PPP1R42: variants seen among roughly 807,000 people sequenced by gnomAD.
The protein encoded by PPP1R42 is protein phosphatase 1 regulatory subunit 42.
Under a neutral mutation model 31.0 loss-of-function variants are expected in PPP1R42, and 34 were observed. The ratio of observed to expected loss-of-function variants is 1.10; its 90% CI spans 0.83 to 1.46. PPP1R42 has a LOEUF of 1.46. Among genes scored for constraint, PPP1R42 ranks in the 40% most tolerant of loss-of-function variants. PPP1R42 has a pLI of 0.00. For synonymous variants in PPP1R42, 103 were observed against 109.8 expected (o/e 0.94, Z 0.39); for missense variants, 268 against 303.0 (o/e 0.88, Z 0.86).
rs538325218 is a variant in PPP1R42, at chr8:67,023,180, G to A, written c.-85+5311C>T. ...TCGCTCTGTACAGTGGCCTGATCTCGATTCACTGCAGTTTCCATCTCCCAG... is the reference window on the plus strand; with the variant it reads ...TCGCTCTGTACAGTGGCCTGATCTCAATTCACTGCAGTTTCCATCTCCCAG... On this transcript the variant is annotated intron_variant, in intron 1 of 7. Transcript: ENST00000685739. Among the ~76,000 whole-genome samples the A allele has an allele frequency of 2.8e-4, 37 of 133,986 alleles. 1 individual carries two copies. The highest frequency in any genetic ancestry group is 2.2e-4 in the South Asian group (1 of 4,524). 87.9% of individuals were successfully genotyped at this position (133,986 alleles called of 152,430 possible). A position where few individuals can be genotyped will look rare whatever the true frequency, so the allele number is the denominator to read the frequency against.
chr8:66,999,569 T>C (rs1233209357), intron 5 of PPP1R42, among the ~76,000 whole-genome samples: 1 of 152,156 alleles, frequency 6.6e-6, no homozygotes, highest in East Asian at 1.9e-4. Flanking sequence ...GCCTGGGTTT[T>C]GAACTCCTGA....
Position 67,017,838 on chromosome 8 carries a change from A to G in PPP1R42, c.-84-7T>C. On this transcript the variant is annotated splice_polypyrimidine_tract_variant and splice_region_variant and intron_variant, in intron 1 of 7. Coordinates refer to ENST00000685739, the MANE Select transcript of PPP1R42 (RefSeq NM_001364910.1). ...AGGTATTATTTCCAACTTTCTGAAG[A>G]TTAAAGAAAAAAGGAGCATTATGAT... 7.4e-7 allele frequency: 1 copy of G among 1,356,000 alleles called. No individual in the cohort carries two copies. Among genetic ancestry groups the G allele is most frequent in the Non-Finnish European group, 9.6e-7 (1 of 1,040,554 alleles). 84.0% of individuals were successfully genotyped at this position (1,356,000 alleles called of 1,614,324 possible).
At chr8:67,024,828 G>A (rs1160758619) in intron 1 of PPP1R42, among the ~76,000 whole-genome samples, 1 of 152,034 alleles carries the variant, frequency 6.6e-6, no homozygotes, top group African/African-American at 2.4e-5. Context: ...GCCCAGGCTG[G>A]TAGACCTCTA....
chr8:67,012,653 A>C (rs1251044237), intron 4 of PPP1R42, among the ~76,000 whole-genome samples: 1 of 152,226 alleles, frequency 6.6e-6, no homozygotes, highest in African/African-American at 2.4e-5. Context: ...CATGATAATC[A>C]CCAAGGTCCA....
chr8:67,011,498 A>C (rs1815843639), intron 4 of PPP1R42, among the ~76,000 whole-genome samples: 2 of 152,214 alleles, frequency 1.3e-5, no homozygotes, highest in Non-Finnish European at 2.9e-5. Context: ...GGGCGACAGA[A>C]CAAAACTCCG....
At chr8:67,026,911 T>C (rs1346398279) in intron 1 of PPP1R42, 1 of 151,418 alleles carries the variant, frequency 6.6e-6, no homozygotes, top group Non-Finnish European at 1.5e-5. Context: ...TTTTTTTTTT[T>C]TTTTCCTGAG....
intron 5 of PPP1R42, among the ~76,000 whole-genome samples, chr8:67,005,741 C>T (rs1815653541): frequency 6.6e-6 from 1 of 152,108 alleles, no homozygotes; most frequent in South Asian, 2.1e-4. Flanking sequence ...CTCTTCATCT[C>T]TAAGCAACCA....
chr8:66,964,953 C>T (rs1394103941), intron 7 of PPP1R42, among the ~76,000 whole-genome samples: 1 of 152,138 alleles, frequency 6.6e-6, no homozygotes, highest in African/African-American at 2.4e-5. Context: ...CTCCCACCTC[C>T]AGTTTCTGGC....
intron 7 of PPP1R42, among the ~76,000 whole-genome samples, chr8:66,968,948 G>T (rs1814462011): frequency 6.6e-6 from 1 of 152,202 alleles, no homozygotes; most frequent in Non-Finnish European, 1.5e-5. Flanking sequence ...TGGTGGCAGA[G>T]GCAGGACATT....
At position 66,973,998 on chromosome 8, in the gene PPP1R42, G is replaced by A. The variant is rs1260700185; in HGVS notation, c.802+8051C>T. On this transcript the variant is annotated intron_variant, in intron 7 of 7. Transcript: ENST00000685739. ...ATCCATTCATCTGTCCAATGTCCAT[G>A]TACCTTGTTTCCGCATCTTGACTAT... Among the ~76,000 whole-genome samples the A allele has an allele frequency of 5.9e-5, 9 of 152,110 alleles. 1 individual carries two copies. Among genetic ancestry groups the A allele is most frequent in the Admixed American group, 5.9e-4 (9 of 15,274 alleles).
At chr8:66,987,555 G>A (rs1815061052) in intron 6 of PPP1R42, among the ~76,000 whole-genome samples, 1 of 152,032 alleles carries the variant, frequency 6.6e-6, no homozygotes, top group African/African-American at 2.4e-5. Flanking sequence ...GCCTCCCAAA[G>A]TGCTGGGAAC....
chr8:67,000,615 G>C (rs1815455987), intron 5 of PPP1R42, among the ~76,000 whole-genome samples: 1 of 151,904 alleles, frequency 6.6e-6, no homozygotes, highest in Non-Finnish European at 1.5e-5. Context: ...GCACCACCAT[G>C]CCTGGCTAAT....
intron 1 of PPP1R42, 63 bp downstream of exon 1, chr8:67,028,428 G>A (rs1816467892): frequency 1.1e-6 from 1 of 949,604 alleles, no homozygotes; most frequent in South Asian, 4.9e-5. Context: ...TGGCAGGCAA[G>A]TTTGAGAAAC....
At chr8:66,967,440 A>G (rs1814415583) in intron 7 of PPP1R42, among the ~76,000 whole-genome samples, 1 of 152,252 alleles carries the variant, frequency 6.6e-6, no homozygotes, top group Admixed American at 6.5e-5. Context: ...ATAGACCGTT[A>G]TGTTTAACAA....
intron 7 of PPP1R42, chr8:66,970,833 TTTTC>T (rs755848556): frequency 1.4e-5 from 10 of 710,164 alleles, no homozygotes; most frequent in South Asian, 8.9e-5. Context: ...TGAACTTTTT[TTTTC>T]TTTCTTTCTA....
chr8:66,988,356 C>A, intron 6 of PPP1R42, 44 bp downstream of exon 6: 1 of 1,312,520 alleles, frequency 7.6e-7, no homozygotes, highest in Non-Finnish European at 9.8e-7. Flanking sequence ...AAAAAGTTAA[C>A]TAGGTGTCAT....
At position 67,017,896 on chromosome 8, in the gene PPP1R42, T is replaced by C. The variant is rs1163007433; in HGVS notation, c.-84-65A>G. 3.8e-6 allele frequency: 3 copies of C among 797,650 alleles called. No individual in the cohort carries two copies. In the South Asian group the frequency reaches 1.3e-4, roughly 34 times the overall value. 49.4% of individuals were successfully genotyped at this position (797,650 alleles called of 1,614,324 possible). On this transcript the variant is annotated intron_variant, in intron 1 of 7. Transcript: ENST00000685739. ...CAATTTAAGGAAAAGTTATTCTGAC[T>C]TACTCTTTAAATAATTCCCTTATAT...
intron 6 of PPP1R42, chr8:66,986,036 C>T: frequency 1.3e-6 from 1 of 748,374 alleles, no homozygotes; most frequent in South Asian, 1.3e-5. Context: ...TCAGTTTGTC[C>T]ACAAATCGGG....
intron 7 of PPP1R42, among the ~76,000 whole-genome samples, chr8:66,969,298 T>C (rs901711933): frequency 2.0e-5 from 3 of 152,208 alleles, no homozygotes; most frequent in African/African-American, 7.2e-5. Flanking sequence ...GCAAGATTTT[T>C]CAAAATGCTT....
Sources: allele counts gnomAD v4.1 joint callset (sites outside exome capture counted in the v4.1 genomes callset), GRCh38; gene constraint gnomAD v4.1.1; transcripts MANE v1.5; gene names NCBI Gene and HGNC (gene_info 2026-07-23, HGNC 2026-07-21).